INTS6: variants seen among roughly 807,000 people sequenced by gnomAD.
INTS6 encodes the protein DEAD box protein.
INTS6 carries 16 observed loss-of-function variants against 104.9 expected under a neutral mutation model. That is an observed-to-expected ratio of 0.15 (90% confidence interval 0.10 to 0.23). INTS6 has a LOEUF of 0.23. Among genes scored for constraint, INTS6 ranks in the 10% least tolerant of loss-of-function variants. The pLI is 1.00. For missense variants in INTS6, 584 were observed against 1,062.8 expected, an observed-to-expected ratio of 0.55 and a Z score of 6.26; for synonymous variants, 324 against 358.7, an observed-to-expected ratio of 0.90 and a Z score of 1.09.
intron 4 of INTS6, among the ~76,000 whole-genome samples, chr13:51,425,581 G>A (rs1956970224): frequency 6.6e-6 from 1 of 151,988 alleles, no homozygotes; most frequent in Non-Finnish European, 1.5e-5. Flanking sequence ...ACACTATCCT[G>A]GAATGTCATT....
chr13:51,376,930 G>A (rs1955943950), intron 12 of INTS6, among the ~76,000 whole-genome samples: 1 of 152,160 alleles, frequency 6.6e-6, no homozygotes. Flanking sequence ...GGCATGCTAA[G>A]CCTACAAGTA....
intron 4 of INTS6, 108 bp downstream of exon 4, chr13:51,430,186 G>T: frequency 1.2e-6 from 1 of 862,122 alleles, no homozygotes; most frequent in Non-Finnish European, 1.9e-6. Context: ...ACTCTAAATT[G>T]CATCAAATAA....
At chr13:51,401,729 G>A (rs1032383637) in intron 4 of INTS6, among the ~76,000 whole-genome samples, 5 of 152,084 alleles carry the variant, frequency 3.3e-5, no homozygotes, top group Non-Finnish European at 5.9e-5. Context: ...CAAACAGAGA[G>A]CTTCAGGACT....
chr13:51,406,433 C>G (rs1956567614), intron 4 of INTS6, among the ~76,000 whole-genome samples: 1 of 148,444 alleles, frequency 6.7e-6, no homozygotes, highest in Non-Finnish European at 1.5e-5. Flanking sequence ...AATGGATAAC[C>G]ACCTCCTCCC....
intron 4 of INTS6, among the ~76,000 whole-genome samples, chr13:51,415,055 T>C (rs1956761961): frequency 6.6e-6 from 1 of 151,076 alleles, no homozygotes; most frequent in South Asian, 2.1e-4. Flanking sequence ...CTAGAATATA[T>C]AAGAAACTCA....
intron 15 of INTS6, among the ~76,000 whole-genome samples, chr13:51,370,461 C>T (rs1444769437): frequency 6.6e-6 from 1 of 152,176 alleles, no homozygotes; most frequent in Non-Finnish European, 1.5e-5. Context: ...CATAGCCTTC[C>T]TTCTGTTGTG....
intron 4 of INTS6, among the ~76,000 whole-genome samples, chr13:51,428,242 T>C (rs989111381): frequency 2.0e-5 from 3 of 152,022 alleles, no homozygotes; most frequent in Non-Finnish European, 4.4e-5. Context: ...ATATATAAAG[T>C]TGAATGAAGC....
chr13:51,340,935 C>A, the INTS6 span: 1 of 764,678 alleles, frequency 1.3e-6, no homozygotes, highest in Non-Finnish European at 2.1e-6. Flanking sequence ...GGTAGGTAAC[C>A]AAGACAGCTC....
intron 17 of INTS6, among the ~76,000 whole-genome samples, chr13:51,366,458 T>C (rs1488786479): frequency 6.6e-6 from 1 of 151,982 alleles, no homozygotes. Context: ...AGACTAAAAT[T>C]GCATCTGTAT....
At chr13:51,403,594 G>GAAAAAAAAAA (rs1183193640) in intron 4 of INTS6, among the ~76,000 whole-genome samples, 1 of 63,014 alleles carries the variant, frequency 1.6e-5, no homozygotes, top group Non-Finnish European at 3.4e-5. Flanking sequence ...AAAAAAAAAA[G>GAAAAAAAAAA]AAAAAAAAAA....
chr13:51,414,051 G>A (rs936235351), intron 4 of INTS6, among the ~76,000 whole-genome samples: 3 of 152,136 alleles, frequency 2.0e-5, no homozygotes, highest in Admixed American at 6.5e-5. Flanking sequence ...TCTAGTTGAT[G>A]GAGTCTCATT....
chr13:51,373,267 A>G (rs1593669652), intron 15 of INTS6, among the ~76,000 whole-genome samples: 1 of 151,876 alleles, frequency 6.6e-6, no homozygotes, highest in African/African-American at 2.4e-5. Flanking sequence ...GGAGTCATAT[A>G]ATATTTTGTT....
chr13:51,375,982 T>C (rs1955922948), intron 13 of INTS6, 66 bp downstream of exon 13: 3 of 1,322,554 alleles, frequency 2.3e-6, no homozygotes, highest in Non-Finnish European at 3.1e-6. Context: ...TACATCACCA[T>C]GCTATGCTTT....
At chr13:51,408,712 T>C (rs1487170875) in intron 4 of INTS6, among the ~76,000 whole-genome samples, 1 of 152,150 alleles carries the variant, frequency 6.6e-6, no homozygotes, top group Admixed American at 6.5e-5. Context: ...TTAAAGACCT[T>C]TTGACCACAC....
At chr13:51,450,393 G>A (rs1222082441) in intron 3 of INTS6, 4 of 985,318 alleles carry the variant, frequency 4.1e-6, no homozygotes, top group Non-Finnish European at 4.8e-6. Flanking sequence ...GAAACGAAGG[G>A]TTCTTTCATA....
At chr13:51,403,659 A>C (rs1010574269) in intron 4 of INTS6, among the ~76,000 whole-genome samples, 12 of 151,882 alleles carry the variant, frequency 7.9e-5, no homozygotes, top group Non-Finnish European at 1.5e-4. Context: ...AGTTCTGCCA[A>C]CTGGTTCTAT....
At chr13:51,349,419 C>G (rs778311059), downstream of INTS6, among the ~76,000 whole-genome samples, 39 of 152,172 alleles carry the variant, frequency 2.6e-4, no homozygotes, top group Non-Finnish European at 5.1e-4. Flanking sequence ...GACCCCAAAC[C>G]AAAACCCAAA....
rs189938623 is a variant in INTS6, at chr13:51,384,065, T to C, written c.895-324A>G. 1.3e-4 allele frequency: 24 copies of C among 180,708 alleles called. No homozygotes were observed. The East Asian group carries it at 3.5e-3, about 27-fold the overall frequency. The allele number at this position is 180,708 out of a possible 1,614,324, so 11.2% of individuals were successfully genotyped here. A position where few individuals can be genotyped will look rare whatever the true frequency, so the allele number is the denominator to read the frequency against. On this transcript the variant is annotated intron_variant, in intron 7 of 17. Transcript: ENST00000311234. ...TATAGAAACTCTCACAAGTCTTCAT[T>C]TGTAGCAATTACTTATAGAGAGTAG...
chr13:51,371,604 G>A (rs193271953), intron 15 of INTS6, among the ~76,000 whole-genome samples: 80 of 152,122 alleles, frequency 5.3e-4, no homozygotes, highest in Non-Finnish European at 7.4e-5. Context: ...GAGCGCTGCT[G>A]GAGAAATAGG....
Sources: gnomAD v4.1 joint callset for allele counts (sites outside exome capture counted in the v4.1 genomes callset) on GRCh38, gnomAD v4.1.1 for gene constraint, MANE v1.5 for transcripts, NCBI Gene and HGNC (gene_info 2026-07-23, HGNC 2026-07-21) for gene names.